The following LSAMP variants were observed in gnomAD, a reference collection of about 807,000 sequenced individuals.
The protein encoded by LSAMP is limbic system-associated membrane protein.
Under a neutral mutation model 38.6 loss-of-function variants are expected in LSAMP, and 7 were observed. The observed-to-expected ratio is 0.18, with a 90% CI of 0.10 to 0.34. LSAMP has a LOEUF of 0.34. LSAMP is among the 10% of genes least tolerant of loss of function. The pLI is 1.00. For synonymous variants in LSAMP, 154 were observed against 166.8 expected (o/e 0.92, Z 0.59); for missense variants, 313 against 420.0 (o/e 0.75, Z 2.23).
At chr3:116,000,994 G>C (rs1011488622) in intron 3 of LSAMP, among the ~76,000 whole-genome samples, 1 of 152,148 alleles carries the variant, frequency 6.6e-6, no homozygotes, top group African/African-American at 2.4e-5. Flanking sequence ...TTTTCCCAAA[G>C]TTGTAATTTA....
intron 1 of LSAMP, among the ~76,000 whole-genome samples, chr3:116,339,470 T>C (rs2047965113): frequency 1.3e-5 from 2 of 151,930 alleles, no homozygotes; most frequent in South Asian, 4.2e-4. Context: ...TAATGAAGTT[T>C]TTTTTTTTAT....
intron 3 of LSAMP, 115 bp downstream of exon 3, chr3:116,019,400 C>A: frequency 7.6e-7 from 1 of 1,312,860 alleles, no homozygotes; most frequent in Non-Finnish European, 1.1e-6. Context: ...TCTGATTCAA[C>A]AGAATTTCAA....
intron 3 of LSAMP, among the ~76,000 whole-genome samples, chr3:115,863,750 G>A (rs1935779811): frequency 6.6e-6 from 1 of 151,748 alleles, no homozygotes; most frequent in South Asian, 2.1e-4. Context: ...CCTTTATAAT[G>A]CAATATTTTC....
chr3:116,115,967 T>A (rs1192448675), intron 1 of LSAMP, among the ~76,000 whole-genome samples: 1 of 151,976 alleles, frequency 6.6e-6, no homozygotes, highest in Non-Finnish European at 1.5e-5. Flanking sequence ...TGGAAACTTA[T>A]ATTCAGTTCA....
At chr3:116,193,673 A>G (rs1267908785) in intron 1 of LSAMP, among the ~76,000 whole-genome samples, 1 of 152,210 alleles carries the variant, frequency 6.6e-6, no homozygotes, top group Non-Finnish European at 1.5e-5. Context: ...GCTCAAATTC[A>G]TATTAAAAAC....
chr3:116,057,349 G>A (rs1056489479), intron 2 of LSAMP, among the ~76,000 whole-genome samples: 1 of 152,182 alleles, frequency 6.6e-6, no homozygotes, highest in Admixed American at 6.5e-5. Context: ...TTCATGTAGA[G>A]TTGTCTTTCA....
intron 1 of LSAMP, among the ~76,000 whole-genome samples, chr3:116,121,652 C>G (rs1337492648): frequency 1.3e-5 from 2 of 152,096 alleles, no homozygotes; most frequent in African/African-American, 4.8e-5. Flanking sequence ...GAGATAGGTA[C>G]TACTATTATG....
chr3:116,034,069 G>C (rs1357046689), intron 2 of LSAMP, among the ~76,000 whole-genome samples: 1 of 151,992 alleles, frequency 6.6e-6, no homozygotes, highest in East Asian at 1.9e-4. Context: ...GGCTCCCACT[G>C]TCTCTATGTC....
chr3:116,288,590 T>G (rs1157037640), intron 1 of LSAMP, among the ~76,000 whole-genome samples: 1 of 152,226 alleles, frequency 6.6e-6, no homozygotes, highest in African/African-American at 2.4e-5. Context: ...GTTCTCTCCC[T>G]CACAAAGTCA....
At chr3:116,358,187 TC>T (rs1369118348) in intron 1 of LSAMP, among the ~76,000 whole-genome samples, 1 of 152,112 alleles carries the variant, frequency 6.6e-6, no homozygotes, top group Non-Finnish European at 1.5e-5. Flanking sequence ...CAGTGTCTGT[TC>T]CCCAAAGAAA....
At chr3:116,001,631 T>C (rs1016141870) in intron 3 of LSAMP, among the ~76,000 whole-genome samples, 1 of 152,186 alleles carries the variant, frequency 6.6e-6, no homozygotes, top group Admixed American at 6.5e-5. Context: ...AGAATCTGTT[T>C]CCTTGTCTTT....
intron 3 of LSAMP, among the ~76,000 whole-genome samples, chr3:115,930,327 G>T (rs1937561877): frequency 6.6e-6 from 1 of 152,000 alleles, no homozygotes; most frequent in South Asian, 2.1e-4. Flanking sequence ...ATGTATTATG[G>T]GCCAGGCACA....
At chr3:115,942,029 T>C (rs1029360074) in intron 3 of LSAMP, among the ~76,000 whole-genome samples, 1 of 152,136 alleles carries the variant, frequency 6.6e-6, no homozygotes, top group African/African-American at 2.4e-5. Flanking sequence ...TAATTATATT[T>C]TTTCTATTAA....
At chr3:116,170,759 AAGAAG>A (rs1418952875) in intron 1 of LSAMP, among the ~76,000 whole-genome samples, 3 of 152,272 alleles carry the variant, frequency 2.0e-5, no homozygotes, top group Admixed American at 6.5e-5. Context: ...TTGGCTATAA[AAGAAG>A]AGAACATCCT....
intron 1 of LSAMP, among the ~76,000 whole-genome samples, chr3:116,225,041 AG>A (rs2046327653): frequency 6.6e-6 from 1 of 152,236 alleles, no homozygotes; most frequent in South Asian, 2.1e-4. Context: ...TCAGCAAACC[AG>A]CTGTAAAGCA....
intron 1 of LSAMP, among the ~76,000 whole-genome samples, chr3:116,087,662 G>A (rs1708022275): frequency 6.6e-6 from 1 of 152,064 alleles, no homozygotes; most frequent in African/African-American, 2.4e-5. Flanking sequence ...CTGTTCCCCT[G>A]TATTTTCTAA....
At chr3:116,160,181 C>A (rs1467957930) in intron 1 of LSAMP, among the ~76,000 whole-genome samples, 1 of 152,152 alleles carries the variant, frequency 6.6e-6, no homozygotes, top group Non-Finnish European at 1.5e-5. Context: ...AGGTGGATCA[C>A]TTGAGGTCAG....
intron 1 of LSAMP, among the ~76,000 whole-genome samples, chr3:116,224,970 GA>G (rs1425491172): frequency 6.6e-6 from 1 of 152,090 alleles, no homozygotes; most frequent in Non-Finnish European, 1.5e-5. Context: ...ATTGATCAGA[GA>G]CAGATTTTCT....
intron 3 of LSAMP, among the ~76,000 whole-genome samples, chr3:115,929,036 T>C (rs1173248987): frequency 1.4e-5 from 2 of 144,128 alleles, no homozygotes; most frequent in African/African-American, 5.2e-5. Context: ...TGTAATAATA[T>C]TCTATGTGAA....
Sources: gnomAD v4.1 joint callset for allele counts (sites outside exome capture counted in the v4.1 genomes callset) on GRCh38, gnomAD v4.1.1 for gene constraint, MANE v1.5 for transcripts, NCBI Gene and HGNC (gene_info 2026-07-23, HGNC 2026-07-21) for gene names.